MYO1E: variants seen among roughly 807,000 people sequenced by gnomAD.
The protein encoded by MYO1E is myosin IE.
Under a neutral mutation model 151.1 loss-of-function variants are expected in MYO1E, and 68 were observed. That is an observed-to-expected ratio of 0.45 (90% CI 0.37 to 0.55). The LOEUF (loss-of-function observed/expected upper bound fraction) is 0.55, where lower values mean the gene tolerates loss of function less well. Ranked by LOEUF, MYO1E falls within the 20% of genes least tolerant of loss-of-function variation. The pLI is 0.00. For missense variants in MYO1E, 1,363 were observed against 1,389.3 expected (o/e 0.98, Z 0.30); for synonymous variants, 601 against 501.7 (o/e 1.20, Z -2.64).
chr15:59,225,629 T>C (rs1237873069), intron 7 of MYO1E, among the ~76,000 whole-genome samples: 2 of 145,240 alleles, frequency 1.4e-5, no homozygotes, highest in Non-Finnish European at 3.0e-5. Flanking sequence ...TTCAAGAATT[T>C]CTTTTTCTTT....
rs559145455 is a variant in MYO1E, at chr15:59,325,921, A to G, written c.3+46577T>C. Among the ~76,000 whole-genome samples, 4 of 152,300 alleles carry G rather than the reference A, an allele frequency of 2.6e-5. No individual in the cohort carries two copies. In the South Asian group the frequency reaches 6.2e-4, roughly 24 times the overall value. The stretch of plus-strand genomic sequence containing the variant: ...GCTCTAACCCCCATGGCCTATAATC[A>G]GGGCTGTCCAGTGAATCAGAATGTG... On this transcript the variant is annotated intron_variant, in intron 1 of 27. Coordinates refer to ENST00000288235, the MANE Select transcript of MYO1E (RefSeq NM_004998.4).
At chr15:59,296,870 C>T (rs565430166) in intron 1 of MYO1E, among the ~76,000 whole-genome samples, 51 of 141,966 alleles carry the variant, frequency 3.6e-4, no homozygotes, top group African/African-American at 1.2e-3. Context: ...GATGGAATCT[C>T]GCTCTGTCGC....
chr15:59,345,970 C>T (rs1283970275), intron 1 of MYO1E, among the ~76,000 whole-genome samples: 1 of 152,222 alleles, frequency 6.6e-6, no homozygotes, highest in Non-Finnish European at 1.5e-5. Flanking sequence ...AGCTAAAACA[C>T]GTGGAGGTAG....
chr15:59,267,975 A>C (rs779041821), intron 2 of MYO1E, among the ~76,000 whole-genome samples: 1 of 152,176 alleles, frequency 6.6e-6, no homozygotes, highest in African/African-American at 2.4e-5. Flanking sequence ...TGAATGCATT[A>C]ACAATCGATC....
At chr15:59,174,101 C>T in intron 20 of MYO1E, 25 bp downstream of exon 20, 1 of 1,588,998 alleles carries the variant, frequency 6.3e-7, no homozygotes, top group Middle Eastern at 1.7e-4. Context: ...TTATTAAAAT[C>T]AATGAAACAA....
intron 1 of MYO1E, among the ~76,000 whole-genome samples, chr15:59,298,550 A>G (rs2080464686): frequency 6.6e-6 from 1 of 152,212 alleles, no homozygotes; most frequent in Admixed American, 6.5e-5. Flanking sequence ...CAAAGCTGCT[A>G]TGTGTGGGAT....
In MYO1E at chr15:59,372,745, A is replaced by C. The variant is rs2080956111; in HGVS notation, c.-245T>G. On this transcript the variant is annotated 5_prime_UTR_variant, in exon 1 of 28. Transcript: ENST00000288235. ...CGGGGCGCATGCTGCGGAGGGCAAG[A>C]GTCCACTCGTACTCGCCGGTCGCCG... 7.2e-6 allele frequency: 4 copies of C among 557,958 alleles called. No homozygotes were observed. The Admixed American group carries it at 1.3e-4, about 18-fold the overall frequency. 34.6% of individuals were successfully genotyped at this position (557,958 alleles called of 1,614,324 possible). A position where few individuals can be genotyped will look rare whatever the true frequency, so the allele number is the denominator to read the frequency against.
chr15:59,172,234 G>A (rs889794672), intron 21 of MYO1E, among the ~76,000 whole-genome samples, 192 bp from the exon 22 acceptor site: 3 of 152,162 alleles, frequency 2.0e-5, no homozygotes, highest in East Asian at 1.9e-4. Context: ...GTGGGCGCCT[G>A]CAATCCCAGC....
chr15:59,194,710 C>A (rs1596359827), intron 17 of MYO1E, among the ~76,000 whole-genome samples: 1 of 152,168 alleles, frequency 6.6e-6, no homozygotes, highest in Admixed American at 6.5e-5. Context: ...ACAGTGGGAT[C>A]AGGCCTCTGA....
intron 1 of MYO1E, among the ~76,000 whole-genome samples, chr15:59,279,613 CT>C (rs2080341361): frequency 6.6e-6 from 1 of 152,184 alleles, no homozygotes. Flanking sequence ...ACACTCCCCC[CT>C]GGGCCACTGG....
intron 1 of MYO1E, among the ~76,000 whole-genome samples, chr15:59,311,208 G>T (rs2080549574): frequency 6.6e-6 from 1 of 152,084 alleles, no homozygotes; most frequent in South Asian, 2.1e-4. Context: ...CCAGGGACAG[G>T]TTTTGTGGAA....
chr15:59,290,777 A>C (rs558881285), intron 1 of MYO1E, among the ~76,000 whole-genome samples: 1 of 152,238 alleles, frequency 6.6e-6, no homozygotes, highest in Non-Finnish European at 1.5e-5. Flanking sequence ...CATAGTTTCC[A>C]AAGTCAAACA....
At chr15:59,357,486 G>A (rs1258588674) in intron 1 of MYO1E, among the ~76,000 whole-genome samples, 1 of 148,682 alleles carries the variant, frequency 6.7e-6, no homozygotes, top group African/African-American at 2.5e-5. Context: ...GAGCAGTGGT[G>A]CAATCTTGGC....
intron 2 of MYO1E, among the ~76,000 whole-genome samples, chr15:59,263,298 T>C (rs1435255303): frequency 6.6e-6 from 1 of 152,236 alleles, no homozygotes; most frequent in Non-Finnish European, 1.5e-5. Flanking sequence ...CCTGATAGTC[T>C]CATTTTACTT....
chr15:59,209,908 C>A (rs2079868251), intron 13 of MYO1E, among the ~76,000 whole-genome samples: 1 of 139,554 alleles, frequency 7.2e-6, no homozygotes, highest in South Asian at 2.4e-4. Flanking sequence ...AATCTCAGCT[C>A]ACCACATCCT....
chr15:59,329,182 G>A (rs1393100674), intron 1 of MYO1E, among the ~76,000 whole-genome samples: 1 of 152,160 alleles, frequency 6.6e-6, no homozygotes, highest in African/African-American at 2.4e-5. Flanking sequence ...AGACACTGCT[G>A]GAGGCACTGG....
chr15:59,272,966 C>T (rs531900972), intron 1 of MYO1E, among the ~76,000 whole-genome samples: 18 of 152,330 alleles, frequency 1.2e-4, no homozygotes, highest in East Asian at 5.8e-4. Flanking sequence ...CTATGTCACA[C>T]GGTCATAATT....
chr15:59,213,633 A>G (rs1166009243), intron 12 of MYO1E, among the ~76,000 whole-genome samples: 2 of 149,584 alleles, frequency 1.3e-5, no homozygotes, highest in African/African-American at 5.0e-5. Flanking sequence ...TAATTATTTT[A>G]TTTTTTTTGT....
intron 1 of MYO1E, among the ~76,000 whole-genome samples, chr15:59,305,765 G>C (rs2080511154): frequency 6.6e-6 from 1 of 152,136 alleles, no homozygotes; most frequent in Admixed American, 6.6e-5. Context: ...CAGTTACCCA[G>C]AATAAAAAAT....
Sources: gnomAD v4.1 joint callset for allele counts (sites outside exome capture counted in the v4.1 genomes callset) on GRCh38, gnomAD v4.1.1 for gene constraint, MANE v1.5 for transcripts, NCBI Gene and HGNC (gene_info 2026-07-23, HGNC 2026-07-21) for gene names.